KAZN: variants seen among roughly 807,000 people sequenced by gnomAD.
KAZN encodes kazrin, periplakin interacting protein, also known as kazrin.
A neutral mutation model predicts 87.4 loss-of-function variants in KAZN; 40 were observed. That is an observed-to-expected ratio of 0.46 (90% CI 0.36 to 0.60). The LOEUF is 0.60. Among genes scored for constraint, KAZN ranks in the 20% least tolerant of loss-of-function variants. The probability of loss-of-function intolerance (pLI) is 0.00; values close to 1 mark genes in which losing one functional copy is unlikely to be tolerated. For missense variants in KAZN, 898 were observed against 1,073.9 expected (o/e 0.84, Z 2.29); for synonymous variants, 466 against 458.3 (o/e 1.02, Z -0.22).
At chr1:14,450,124 C>CA (rs1033610589) in intron 2 of KAZN, among the ~76,000 whole-genome samples, 11 of 150,530 alleles carry the variant, frequency 7.3e-5, no homozygotes, top group African/African-American at 2.7e-4. Context: ...AGTGCTGCCC[C>CA]CCCGCCTGCA....
rs762375013 is a variant in KAZN, at chr1:14,599,153, C to T, written c.156C>T (p.Ala52=). 7.2e-7 allele frequency: 1 copy of T among 1,395,534 alleles called. No individual in the cohort carries two copies. The highest frequency in any genetic ancestry group is 9.3e-7 in the Non-Finnish European group (1 of 1,079,014). The allele number at this position is 1,395,534 out of a possible 1,614,324, so 86.4% of individuals were successfully genotyped here. ...GCGGCCCCGGCCCGGGCCCGGGAGC[C>T]GCGGCCAGCGCCTCGGCGGCGGGGG... The part of the protein sequence containing the change: ...GGGGPGPGPG[A]AASASAAGDS... Residue 52 remains alanine, a synonymous_variant, in exon 1 of 15, where the codon GCC becomes GCT. Coordinates refer to ENST00000376030, the MANE Select transcript of KAZN (RefSeq NM_201628.3). The surrounding 1 kb of genome is among the most constrained non-coding windows in gnomAD (Gnocchi z 4.4).
intron 2 of KAZN, among the ~76,000 whole-genome samples, chr1:15,016,936 ATAAT>A (rs1031432296): frequency 6.6e-6 from 1 of 152,106 alleles, no homozygotes; most frequent in African/African-American, 2.4e-5. Context: ...CATTTAAATA[ATAAT>A]TAAACATGTG....
At chr1:15,072,841 C>T (rs1639573617) in intron 8 of KAZN, among the ~76,000 whole-genome samples, 1 of 152,180 alleles carries the variant, frequency 6.6e-6, no homozygotes. Context: ...AGCCCCCTCT[C>T]AGGGCCTGCT....
chr1:14,029,404 T>A (rs1641223835), intron 1 of KAZN, among the ~76,000 whole-genome samples: 1 of 83,080 alleles, frequency 1.2e-5, no homozygotes, highest in Non-Finnish European at 2.3e-5. Flanking sequence ...GTTGTGAAAA[T>A]TTTCTCCCAT....
chr1:14,337,193 CA>C (rs1657332632), intron 2 of KAZN, among the ~76,000 whole-genome samples: 1 of 152,162 alleles, frequency 6.6e-6, no homozygotes, highest in Non-Finnish European at 1.5e-5. Flanking sequence ...GAAGCTAGCA[CA>C]AGTGTTTGAT....
At chr1:14,193,553 A>G (rs867928646) in intron 2 of KAZN, among the ~76,000 whole-genome samples, 2 of 152,094 alleles carry the variant, frequency 1.3e-5, no homozygotes, top group African/African-American at 2.4e-5. Context: ...TAAGACTGTA[A>G]ATTGCTGTTG....
At chr1:14,018,697 A>AT (rs1272603181) in intron 1 of KAZN, among the ~76,000 whole-genome samples, 1 of 151,852 alleles carries the variant, frequency 6.6e-6, no homozygotes, top group Non-Finnish European at 1.5e-5. Context: ...AGGAAAGATG[A>AT]TTTTCTGGCT....
chr1:15,041,969 C>T (rs937649208), intron 3 of KAZN, among the ~76,000 whole-genome samples: 2 of 152,170 alleles, frequency 1.3e-5, no homozygotes, highest in Non-Finnish European at 2.9e-5. Context: ...TTAAATAATG[C>T]ACCTAAAAGC....
At chr1:14,708,355 A>G (rs1303662061) in intron 1 of KAZN, among the ~76,000 whole-genome samples, 1 of 152,224 alleles carries the variant, frequency 6.6e-6, no homozygotes, top group Non-Finnish European at 1.5e-5. Context: ...TGCTGATTCT[A>G]TTTCACAATC....
At position 13,908,772 on chromosome 1, in the gene KAZN, C is replaced by T. The variant is rs115536100; in HGVS notation, c.91+15016C>T. Reference sequence around the variant, plus strand: ...AACTTCTCAAGTGGTGGAACAGGCCCGAGCTAGGATGCTGAGCTGCAAAAA... The same window carrying T: ...AACTTCTCAAGTGGTGGAACAGGCCTGAGCTAGGATGCTGAGCTGCAAAAA... On this transcript the variant is annotated intron_variant, in intron 1 of 16. Coordinates refer to the KAZN transcript ENST00000636203. Among the ~76,000 whole-genome samples the T allele has an allele frequency of 8.9e-3, 1,348 of 152,190 alleles. 13 individuals carry two copies. The highest frequency in any genetic ancestry group is 0.031 in the African/African-American group (1,268 of 41,514).
intron 2 of KAZN, among the ~76,000 whole-genome samples, chr1:14,435,140 A>G (rs1666305970): frequency 3.3e-5 from 5 of 152,074 alleles, no homozygotes; most frequent in Admixed American, 2.6e-4. Context: ...TCTGCCCTCC[A>G]GCATCGGTGG....
intron 1 of KAZN, among the ~76,000 whole-genome samples, chr1:14,656,558 A>G (rs1638804531): frequency 6.6e-6 from 1 of 152,218 alleles, no homozygotes; most frequent in African/African-American, 2.4e-5. Context: ...TTTCTAAAGA[A>G]AAGAGGTTTA....
At chr1:14,959,717 C>T (rs1663611106) in intron 1 of KAZN, among the ~76,000 whole-genome samples, 1 of 152,196 alleles carries the variant, frequency 6.6e-6, no homozygotes, top group Non-Finnish European at 1.5e-5. Flanking sequence ...TAGCCTGGCG[C>T]CTGTGCACAG....
intron 2 of KAZN, among the ~76,000 whole-genome samples, chr1:14,571,904 C>G (rs1014990227): frequency 6.6e-6 from 1 of 152,162 alleles, no homozygotes; most frequent in African/African-American, 2.4e-5. Context: ...GTAACTACTC[C>G]ATCTGGAATT....
intron 2 of KAZN, among the ~76,000 whole-genome samples, chr1:14,986,580 T>C (rs933500315): frequency 2.6e-5 from 4 of 151,898 alleles, no homozygotes; most frequent in Admixed American, 6.6e-5. Flanking sequence ...GTGAAAGGAG[T>C]GTGTGGGCCA....
intron 7 of KAZN, 101 bp from the exon 8 acceptor site, chr1:15,065,529 C>T: frequency 4.8e-6 from 5 of 1,036,476 alleles, no homozygotes; most frequent in Non-Finnish European, 7.2e-6. Context: ...CTCAGAGAGG[C>T]CTTCCCCACC....
chr1:14,932,286 C>T (rs565845641), intron 1 of KAZN, among the ~76,000 whole-genome samples: 1 of 144,630 alleles, frequency 6.9e-6, no homozygotes, highest in South Asian at 2.5e-4. Flanking sequence ...CTTTCATTGT[C>T]GGGCGTGATG....
At chr1:14,352,269 G>A (rs1006043509) in intron 2 of KAZN, among the ~76,000 whole-genome samples, 2 of 151,532 alleles carry the variant, frequency 1.3e-5, no homozygotes, top group Non-Finnish European at 2.9e-5. Flanking sequence ...TTTTCACTGT[G>A]GGAAGAGAGA....
chr1:13,969,498 A>G (rs1242724702), intron 1 of KAZN, among the ~76,000 whole-genome samples: 1 of 152,208 alleles, frequency 6.6e-6, no homozygotes, highest in African/African-American at 2.4e-5. Context: ...AGTGAGAGGC[A>G]TGAAACAGAT....
Sources: allele counts gnomAD v4.1 joint callset (sites outside exome capture counted in the v4.1 genomes callset), GRCh38; gene constraint gnomAD v4.1.1; non-coding constraint Gnocchi (gnomAD v3.1); transcripts MANE v1.5; gene names NCBI Gene and HGNC (gene_info 2026-07-23, HGNC 2026-07-21).